The following TTLL5 variants were observed in gnomAD, a reference collection of about 807,000 sequenced individuals.
The protein encoded by TTLL5 is tubulin polyglutamylase TTLL5.
TTLL5 carries 132 observed loss-of-function variants against 168.4 expected under a neutral mutation model. That is an observed-to-expected ratio of 0.78 (90% CI 0.68 to 0.91). TTLL5 has a LOEUF of 0.91. Among genes scored for constraint, TTLL5 ranks in the 40% least tolerant of loss-of-function variants. The pLI is 0.00. For synonymous variants in TTLL5, 546 were observed against 558.6 expected, an observed-to-expected ratio of 0.98 and a Z score of 0.32; for missense variants, 1,545 against 1,581.5, an observed-to-expected ratio of 0.98 and a Z score of 0.39.
At chr14:75,831,977 C>T (rs540671340) in intron 28 of TTLL5, among the ~76,000 whole-genome samples, 1 of 152,270 alleles carries the variant, frequency 6.6e-6, no homozygotes, top group East Asian at 1.9e-4. Flanking sequence ...GGGGTAGAGT[C>T]CTCTTCTGTT....
Position 75,731,370 on chromosome 14 carries a change from T to TACACAC in TTLL5, c.1043-965_1043-964insCACACA, listed in dbSNP as rs1217242558. The stretch of plus-strand genomic sequence containing the variant: ...ATAGATATAGCTATAAATATACACA[T>TACACAC]ACATACACACACACACACACACACA... On this transcript the variant is annotated intron_variant, in intron 12 of 31. Coordinates refer to ENST00000298832, the MANE Select transcript of TTLL5 (RefSeq NM_015072.5). 4.7e-3 allele frequency among the ~76,000 whole-genome samples: 373 copies of TACACAC among 78,618 alleles called. 1 individual carries two copies. Among genetic ancestry groups the TACACAC allele is most frequent in the African/African-American group, 0.017 (351 of 20,704 alleles). 51.6% of individuals were successfully genotyped at this position (78,618 alleles called of 152,430 possible). A position where few individuals can be genotyped will look rare whatever the true frequency, so the allele number is the denominator to read the frequency against.
intron 7 of TTLL5, among the ~76,000 whole-genome samples, chr14:75,702,888 G>C (rs914165866): frequency 6.6e-6 from 1 of 152,186 alleles, no homozygotes; most frequent in Non-Finnish European, 1.5e-5. Context: ...CATGAGGGGA[G>C]CTGGCAACAT....
At chr14:75,799,873 A>T (rs1406730012) in intron 27 of TTLL5, among the ~76,000 whole-genome samples, 2 of 152,170 alleles carry the variant, frequency 1.3e-5, no homozygotes, top group Non-Finnish European at 1.5e-5. Context: ...AGGTTACCTC[A>T]TGCTTTTGCC....
chr14:75,733,918 C>T, intron 13 of TTLL5, 71 bp from the exon 14 acceptor site: 1 of 1,431,078 alleles, frequency 7.0e-7, no homozygotes, highest in Non-Finnish European at 9.8e-7. Context: ...TATATTGGGA[C>T]CCATCAGAGG....
chr14:75,773,963 G>GACAGAGAGAA (rs35635750), intron 21 of TTLL5, among the ~76,000 whole-genome samples: 2 of 69,508 alleles, frequency 2.9e-5, no homozygotes, highest in African/African-American at 5.9e-5. Context: ...GAGAAAGAGA[G>GACAGAGAGAA]AGAGAGAGAG....
intron 30 of TTLL5, among the ~76,000 whole-genome samples, chr14:75,890,626 G>C (rs1307811608): frequency 6.6e-6 from 1 of 152,234 alleles, no homozygotes; most frequent in South Asian, 2.1e-4. Context: ...TGCCTAAATT[G>C]GTTCTTCTTA....
rs371138516 is a variant in TTLL5 at position 75,869,116 on chromosome 14, C to T, written c.3522+5254C>T. Reference sequence around the variant, plus strand: ...AACTTAATGTCATAACCTATTGCTTCGTTGTTTTTTTGTTTGGTTGGTTCT... The same window carrying T: ...AACTTAATGTCATAACCTATTGCTTTGTTGTTTTTTTGTTTGGTTGGTTCT... On this transcript the variant is annotated intron_variant, in intron 29 of 31. Transcript: ENST00000298832. 3.1e-4 allele frequency among the ~76,000 whole-genome samples: 46 copies of T among 148,940 alleles called. No homozygotes were observed. In the East Asian group the frequency reaches 5.3e-3, roughly 17 times the overall value.
At chr14:75,792,409 T>TAA (rs199638323) in intron 26 of TTLL5, among the ~76,000 whole-genome samples, 1 of 144,520 alleles carries the variant, frequency 6.9e-6, no homozygotes, top group Non-Finnish European at 1.5e-5. Flanking sequence ...ACTAAAAATA[T>TAA]AAAAAAAAAA....
chr14:75,713,652 CAT>C (rs1170611496), intron 9 of TTLL5, among the ~76,000 whole-genome samples: 1 of 152,168 alleles, frequency 6.6e-6, no homozygotes, highest in Non-Finnish European at 1.5e-5. Context: ...AGGTCACTAA[CAT>C]AAATGCTCAC....
At chr14:75,949,702 T>C (rs1185541146) in intron 31 of TTLL5, among the ~76,000 whole-genome samples, 2 of 151,618 alleles carry the variant, frequency 1.3e-5, no homozygotes. Flanking sequence ...TGCAAAAAAT[T>C]AGCTGGGCGT....
chr14:75,924,395 A>G (rs932237977), intron 31 of TTLL5, among the ~76,000 whole-genome samples: 3 of 151,572 alleles, frequency 2.0e-5, no homozygotes, highest in South Asian at 4.2e-4. Context: ...CAAGTGAACA[A>G]AGGTCTCTGG....
At chr14:75,883,291 A>G (rs999570764) in intron 30 of TTLL5, among the ~76,000 whole-genome samples, 21 of 152,260 alleles carry the variant, frequency 1.4e-4, no homozygotes, top group Admixed American at 1.4e-3. Flanking sequence ...CTGTGTAGCA[A>G]CAGTGTTTTT....
intron 31 of TTLL5, 144 bp from the exon 32 acceptor site, chr14:75,954,280 T>C (rs1400291151): frequency 1.1e-5 from 8 of 707,540 alleles, no homozygotes; most frequent in Non-Finnish European, 1.8e-5. Flanking sequence ...AAAAAAGAGC[T>C]TTCCACTTAG....
chr14:75,867,023 A>T (rs1316001314), intron 29 of TTLL5, among the ~76,000 whole-genome samples: 1 of 152,232 alleles, frequency 6.6e-6, no homozygotes, highest in African/African-American at 2.4e-5. Flanking sequence ...CAGCAGTTTG[A>T]AAAACATTGT....
chr14:75,905,536 T>G (rs1005666997), intron 31 of TTLL5, among the ~76,000 whole-genome samples: 5 of 152,236 alleles, frequency 3.3e-5, no homozygotes, highest in Admixed American at 3.3e-4. Flanking sequence ...TTTCCTTGAC[T>G]TACCAACCTC....
intron 29 of TTLL5, among the ~76,000 whole-genome samples, chr14:75,866,278 G>A (rs2030510775): frequency 6.6e-6 from 1 of 152,116 alleles, no homozygotes; most frequent in Non-Finnish European, 1.5e-5. Flanking sequence ...ATTGAAGCAT[G>A]GTTTACATTC....
intron 5 of TTLL5, chr14:75,683,974 A>G (rs878891480): frequency 1.1e-5 from 3 of 263,336 alleles, no homozygotes; most frequent in South Asian, 3.9e-5. Flanking sequence ...AGGTTTCGCC[A>G]TGTAGGCCAG....
intron 29 of TTLL5, among the ~76,000 whole-genome samples, chr14:75,868,932 A>G (rs1402142971): frequency 2.0e-5 from 3 of 151,842 alleles, no homozygotes; most frequent in Non-Finnish European, 4.4e-5. Context: ...CAAACAGTCT[A>G]GCCATGCAGG....
intron 20 of TTLL5, among the ~76,000 whole-genome samples, chr14:75,768,246 A>G (rs1891078404): frequency 6.6e-6 from 1 of 152,250 alleles, no homozygotes; most frequent in Non-Finnish European, 1.5e-5. Context: ...ACATAAGATC[A>G]GGAAGGAGTA....
Sources: gnomAD v4.1 joint callset for allele counts (sites outside exome capture counted in the v4.1 genomes callset) on GRCh38, gnomAD v4.1.1 for gene constraint, MANE v1.5 for transcripts, NCBI Gene and HGNC (gene_info 2026-07-23, HGNC 2026-07-21) for gene names.